Variants in MYO16 observed in about 807,000 individuals in gnomAD.
MYO16 encodes myosin XVI.
In MYO16, 94 loss-of-function variants were observed where a neutral mutation model predicts 205.3. That is an observed-to-expected ratio of 0.46 (90% confidence interval 0.39 to 0.54). The LOEUF (loss-of-function observed/expected upper bound fraction) is 0.54, where lower values mean the gene tolerates loss of function less well. MYO16 is among the 20% of genes least tolerant of loss of function. MYO16 has a pLI of 0.00. For synonymous variants in MYO16, 988 were observed against 954.0 expected (o/e 1.04, Z -0.66); for missense variants, 2,315 against 2,387.5 (o/e 0.97, Z 0.63).
At chr13:108,834,527 GAGA>G (rs1439142354) in intron 9 of MYO16, among the ~76,000 whole-genome samples, 1 of 151,624 alleles carries the variant, frequency 6.6e-6, no homozygotes, top group Non-Finnish European at 1.5e-5. Context: ...GTTGAGCTGA[GAGA>G]AGAAGGTTAA....
chr13:109,199,548 A>T (rs917495572), intron 34 of MYO16, among the ~76,000 whole-genome samples: 1 of 152,176 alleles, frequency 6.6e-6, no homozygotes, highest in Non-Finnish European at 1.5e-5. Flanking sequence ...TGGGGTGAAG[A>T]TAATAAATCT....
At chr13:109,099,569 T>C (rs1888892479) in intron 27 of MYO16, among the ~76,000 whole-genome samples, 1 of 152,176 alleles carries the variant, frequency 6.6e-6, no homozygotes, top group Non-Finnish European at 1.5e-5. Context: ...CACCTCTTAA[T>C]ATCATCATAT....
At chr13:108,977,000 C>T (rs538698150) in intron 20 of MYO16, among the ~76,000 whole-genome samples, 18 of 152,264 alleles carry the variant, frequency 1.2e-4, no homozygotes, top group African/African-American at 4.1e-4. Context: ...TTCCCCTTCC[C>T]TCCCCAGAGA....
At chr13:108,564,393 A>G in the MYO16 span, among the ~76,000 whole-genome samples, 1 of 151,214 alleles carries the variant, frequency 6.6e-6, no homozygotes, top group Non-Finnish European at 1.5e-5. Context: ...CTGGTTTCCA[A>G]CTCCTGACCT....
At chr13:108,526,553 G>A in the MYO16 span, among the ~76,000 whole-genome samples, 1 of 152,072 alleles carries the variant, frequency 6.6e-6, no homozygotes, top group Non-Finnish European at 1.5e-5. Context: ...AAATGCTTGG[G>A]CAAAACAAAC....
intron 20 of MYO16, among the ~76,000 whole-genome samples, chr13:108,982,020 G>A (rs939661830): frequency 6.6e-6 from 1 of 152,128 alleles, no homozygotes; most frequent in African/African-American, 2.4e-5. Flanking sequence ...TTTAGTACTT[G>A]TACTAGATTG....
chr13:108,615,201 T>C (rs1879307845), intron 1 of MYO16, among the ~76,000 whole-genome samples: 1 of 152,058 alleles, frequency 6.6e-6, no homozygotes, highest in Non-Finnish European at 1.5e-5. Context: ...GAGAAAAAGA[T>C]GATCCAAATC....
the MYO16 span, among the ~76,000 whole-genome samples, chr13:108,588,844 C>T: frequency 2.0e-5 from 3 of 152,106 alleles, no homozygotes; most frequent in African/African-American, 7.2e-5. Context: ...CCACGATGGG[C>T]AGGTAACCTG....
At chr13:108,606,562 A>G (rs893184169) in intron 1 of MYO16, among the ~76,000 whole-genome samples, 1 of 152,144 alleles carries the variant, frequency 6.6e-6, no homozygotes, top group Non-Finnish European at 1.5e-5. Flanking sequence ...AGGTTTGGGA[A>G]CCTCCACCTT....
At chr13:109,165,133 T>A in intron 33 of MYO16, 74 bp downstream of exon 33, 1 of 1,178,584 alleles carries the variant, frequency 8.5e-7, no homozygotes, top group Non-Finnish European at 1.2e-6. Context: ...AGGAATGGAT[T>A]TAAAATATGA....
chr13:108,651,501 CA>C (rs943103712), intron 1 of MYO16, among the ~76,000 whole-genome samples: 1 of 152,100 alleles, frequency 6.6e-6, no homozygotes, highest in African/African-American at 2.4e-5. Context: ...GATGGATGTG[CA>C]AAAAGTAAAT....
intron 12 of MYO16, among the ~76,000 whole-genome samples, chr13:108,882,458 A>T (rs1879662328): frequency 6.6e-6 from 1 of 152,196 alleles, no homozygotes; most frequent in Non-Finnish European, 1.5e-5. Context: ...AATAACTTTG[A>T]TTTCTTCACA....
chr13:109,023,295 CAGA>C (rs1886170296), intron 23 of MYO16, among the ~76,000 whole-genome samples: 1 of 77,316 alleles, frequency 1.3e-5, no homozygotes, highest in Non-Finnish European at 2.2e-5. Context: ...ATATATTATA[CAGA>C]TATAAATATA....
intron 21 of MYO16, among the ~76,000 whole-genome samples, chr13:109,005,366 T>C (rs1451027945): frequency 2.0e-5 from 3 of 152,096 alleles, no homozygotes; most frequent in African/African-American, 7.2e-5. Context: ...AGAAAACCCA[T>C]TGGGAAGGGT....
chr13:108,961,719 T>A, intron 18 of MYO16, 63 bp downstream of exon 18: 1 of 1,301,830 alleles, frequency 7.7e-7, no homozygotes, highest in Non-Finnish European at 1.1e-6. Context: ...GATCTACCAG[T>A]AGATGGCGAC....
intron 23 of MYO16, among the ~76,000 whole-genome samples, chr13:109,023,021 GTA>G (rs1345924484): frequency 1.5e-5 from 2 of 132,692 alleles, no homozygotes; most frequent in Non-Finnish European, 3.1e-5. Flanking sequence ...GTAAATGTAT[GTA>G]TATATTTATA....
chr13:109,174,116 T>TCAAGAAGAGGA (rs1879055936), intron 33 of MYO16, among the ~76,000 whole-genome samples: 2 of 152,000 alleles, frequency 1.3e-5, no homozygotes, highest in South Asian at 4.1e-4. Flanking sequence ...TGTATTGGTG[T>TCAAGAAGAGGA]AGGAGTCAAG....
At chr13:108,510,009 T>C in the MYO16 span, among the ~76,000 whole-genome samples, 22 of 152,222 alleles carry the variant, frequency 1.4e-4, no homozygotes, top group African/African-American at 5.3e-4. Context: ...GCTAAAGCCA[T>C]GGTCAAGTAA....
chr13:108,969,174 C>A (rs1457337946), intron 20 of MYO16, among the ~76,000 whole-genome samples: 1 of 152,102 alleles, frequency 6.6e-6, no homozygotes, highest in South Asian at 2.1e-4. Flanking sequence ...ATATGGAAGA[C>A]CCATGTAGTT....
Sources: allele counts gnomAD v4.1 joint callset (sites outside exome capture counted in the v4.1 genomes callset), GRCh38; gene constraint gnomAD v4.1.1; transcripts MANE v1.5; gene names NCBI Gene and HGNC (gene_info 2026-07-23, HGNC 2026-07-21).